The following SNTG2 variants were observed in gnomAD, a reference collection of about 807,000 sequenced individuals.
SNTG2 encodes the protein syntrophin gamma 2, also known as gamma-2-syntrophin.
Under a neutral mutation model 70.9 loss-of-function variants are expected in SNTG2, and 74 were observed. The ratio of observed to expected loss-of-function variants is 1.04; its 90% confidence interval spans 0.86 to 1.27. The LOEUF (loss-of-function observed/expected upper bound fraction) is 1.27, where lower values mean the gene tolerates loss of function less well. SNTG2 is among the 50% of genes most tolerant of loss of function. SNTG2 has a pLI of 0.00. For missense variants in SNTG2, 717 were observed against 690.7 expected (o/e 1.04, Z -0.43); for synonymous variants, 278 against 273.8 (o/e 1.02, Z -0.15).
intron 4 of SNTG2, among the ~76,000 whole-genome samples, chr2:1,116,505 TGTGGTCTGGTGTGTGG>T (rs1375075746): frequency 1.4e-5 from 1 of 71,246 alleles, no homozygotes; most frequent in Non-Finnish European, 3.0e-5. Flanking sequence ...CTGGTGTGTG[TGTGGTCTGGTGTGTGG>T]GTGCTCCAGT....
intron 4 of SNTG2, among the ~76,000 whole-genome samples, chr2:1,115,478 G>A (rs1276618920): frequency 1.3e-5 from 2 of 152,024 alleles, no homozygotes; most frequent in East Asian, 3.9e-4. Context: ...AGGATCGTGT[G>A]TACTAAGTGA....
chr2:1,077,732 G>A (rs1420072219), intron 1 of SNTG2, among the ~76,000 whole-genome samples: 5 of 152,062 alleles, frequency 3.3e-5, no homozygotes, highest in Non-Finnish European at 7.4e-5. Flanking sequence ...TTTTTATTTT[G>A]TTTTTCTACA....
At chr2:1,138,781 T>C (rs1229858376) in intron 6 of SNTG2, among the ~76,000 whole-genome samples, 1 of 152,184 alleles carries the variant, frequency 6.6e-6, no homozygotes, top group African/African-American at 2.4e-5. Context: ...AGGCATGCAC[T>C]CATTTCTTCT....
intron 1 of SNTG2, among the ~76,000 whole-genome samples, chr2:952,209 C>T (rs1659997381): frequency 6.6e-6 from 1 of 152,068 alleles, no homozygotes; most frequent in South Asian, 2.1e-4. Flanking sequence ...GTAATCAAAC[C>T]CGAGAAAATA....
intron 1 of SNTG2, among the ~76,000 whole-genome samples, chr2:991,372 T>TACACACACAAACACACAC (rs1553305484): frequency 7.1e-6 from 1 of 140,264 alleles, no homozygotes; most frequent in African/African-American, 2.6e-5. Flanking sequence ...TCTGTAATAT[T>TACACACACAAACACACAC]ACACACACAC....
At chr2:1,210,437 T>A (rs147836561) in intron 9 of SNTG2, 25 of 152,350 alleles carry the variant, frequency 1.6e-4, no homozygotes, top group African/African-American at 6.0e-4. Context: ...AGACCACATA[T>A]GCCATGGTGG....
chr2:1,270,227 G>A (rs1572897833), intron 14 of SNTG2, among the ~76,000 whole-genome samples: 1 of 152,116 alleles, frequency 6.6e-6, no homozygotes, highest in African/African-American at 2.4e-5. Flanking sequence ...GAGGGACAAA[G>A]CATTTCAAAA....
chr2:1,244,175 A>G (rs1473012849), intron 11 of SNTG2, among the ~76,000 whole-genome samples: 4 of 152,190 alleles, frequency 2.6e-5, no homozygotes, highest in Non-Finnish European at 5.9e-5. Context: ...TCTCATCAGA[A>G]CTAGTATTTG....
intron 16 of SNTG2, among the ~76,000 whole-genome samples, chr2:1,330,810 C>T (rs1659484705): frequency 6.6e-6 from 1 of 152,142 alleles, no homozygotes; most frequent in Admixed American, 6.5e-5. Context: ...GTGTTGCCAA[C>T]GGGGTGCCCC....
rs141658890 is a variant in SNTG2, at chr2:1,249,303, A to C, written c.1005+1860A>C. ...TTCATCTTAGCAACACATTGAACAGACACATTCACTTGCTTTTTTTTTCTC... is the reference window on the plus strand; with the variant it reads ...TTCATCTTAGCAACACATTGAACAGCCACATTCACTTGCTTTTTTTTTCTC... On this transcript the variant is annotated intron_variant, in intron 12 of 16. Transcript: ENST00000308624. Among the ~76,000 whole-genome samples, 333 of 152,326 alleles carry C rather than the reference A, an allele frequency of 2.2e-3. 5 individuals are homozygous for C. Among genetic ancestry groups the C allele is most frequent in the African/African-American group, 7.3e-3 (304 of 41,552 alleles).
chr2:1,225,350 G>A (rs902243297), intron 9 of SNTG2, among the ~76,000 whole-genome samples: 12 of 152,226 alleles, frequency 7.9e-5, no homozygotes, highest in Non-Finnish European at 5.9e-5. Flanking sequence ...TGTGTTATCC[G>A]TCCTCATTTC....
chr2:1,308,769 C>A (rs532125872), intron 15 of SNTG2, among the ~76,000 whole-genome samples, 183 bp downstream of exon 15: 16 of 152,202 alleles, frequency 1.1e-4, no homozygotes, highest in Admixed American at 1.0e-3. Flanking sequence ...TCGCCACAAG[C>A]CCTGAGGGTG....
intron 12 of SNTG2, among the ~76,000 whole-genome samples, chr2:1,249,216 A>G (rs1212725964): frequency 6.6e-6 from 1 of 152,208 alleles, no homozygotes; most frequent in Non-Finnish European, 1.5e-5. Context: ...ATCTTGATAC[A>G]TCGTAACTGT....
intron 9 of SNTG2, among the ~76,000 whole-genome samples, chr2:1,222,245 A>C (rs1370076064): frequency 6.6e-6 from 1 of 151,328 alleles, no homozygotes; most frequent in African/African-American, 2.4e-5. Flanking sequence ...GTTTTTTTTC[A>C]TTTTGACTGT....
chr2:972,413 G>T (rs1007565530), intron 1 of SNTG2, among the ~76,000 whole-genome samples: 5 of 152,116 alleles, frequency 3.3e-5, no homozygotes, highest in African/African-American at 1.2e-4. Flanking sequence ...ATTGTCGTTG[G>T]TTTAAATTCT....
At chr2:1,196,878 G>C (rs949727573) in intron 8 of SNTG2, among the ~76,000 whole-genome samples, 2 of 152,050 alleles carry the variant, frequency 1.3e-5, no homozygotes, top group African/African-American at 4.8e-5. Context: ...AAATGATTAA[G>C]GGAGCCCTAC....
chr2:986,067 T>TAGAGAGAGAGAGAGAG (rs10633277), intron 1 of SNTG2, among the ~76,000 whole-genome samples: 77 of 129,796 alleles, frequency 5.9e-4, no homozygotes, highest in African/African-American at 1.0e-3. Flanking sequence ...CTGCAAATAA[T>TAGAGAGAGAGAGAGAG]AGAGAGAGAG....
At chr2:1,365,492 A>T (rs1384682421) in intron 16 of SNTG2, among the ~76,000 whole-genome samples, 2 of 152,184 alleles carry the variant, frequency 1.3e-5, no homozygotes, top group Non-Finnish European at 2.9e-5. Flanking sequence ...AGCTCCCAGC[A>T]TGTTGGTACC....
intron 6 of SNTG2, among the ~76,000 whole-genome samples, chr2:1,143,104 A>G (rs1454892224): frequency 6.6e-6 from 1 of 152,214 alleles, no homozygotes; most frequent in Admixed American, 6.5e-5. Flanking sequence ...AAGGAAAGTC[A>G]GTAGGATATG....
Sources: gnomAD v4.1 joint callset for allele counts (sites outside exome capture counted in the v4.1 genomes callset) on GRCh38, gnomAD v4.1.1 for gene constraint, MANE v1.5 for transcripts, NCBI Gene and HGNC (gene_info 2026-07-23, HGNC 2026-07-21) for gene names.